Variants in TMEM176B observed in about 807,000 individuals in gnomAD.
TMEM176B encodes transmembrane protein 176B.
In TMEM176B, 28 loss-of-function variants were observed where a neutral mutation model predicts 30.3. That is an observed-to-expected ratio of 0.92 (90% CI 0.68 to 1.27). TMEM176B has a LOEUF of 1.27. Ranked by LOEUF, TMEM176B falls within the 50% of genes most tolerant of loss-of-function variation. The pLI, the probability that TMEM176B is intolerant of heterozygous loss-of-function variation, is 0.00. For synonymous variants in TMEM176B, 123 were observed against 130.3 expected (o/e 0.94, Z 0.38); for missense variants, 349 against 327.4 (o/e 1.07, Z -0.51).
At chr7:150,796,883 G>A (rs1217660700) in intron 1 of TMEM176B, among the ~76,000 whole-genome samples, 1 of 152,140 alleles carries the variant, frequency 6.6e-6, no homozygotes, top group African/African-American at 2.4e-5. Flanking sequence ...CAACCTGGGA[G>A]GCTGAGGTTG....
At chr7:150,798,531 T>G (rs1197165359) in intron 1 of TMEM176B, among the ~76,000 whole-genome samples, 3 of 152,176 alleles carry the variant, frequency 2.0e-5, no homozygotes, top group Admixed American at 1.3e-4. Flanking sequence ...CGCCTCGGCC[T>G]CCCAAAGTGC....
At chr7:150,794,769 G>A (rs1186282591) in intron 2 of TMEM176B, among the ~76,000 whole-genome samples, 2 of 151,826 alleles carry the variant, frequency 1.3e-5, no homozygotes, top group Admixed American at 6.6e-5. Flanking sequence ...TCATTTCATA[G>A]GTGTCATACC....
At chr7:150,793,897 A>G (rs1798415983) in intron 3 of TMEM176B, 64 bp downstream of exon 3, 9 of 1,394,952 alleles carry the variant, frequency 6.5e-6, no homozygotes, top group African/African-American at 2.9e-5. Flanking sequence ...ACCAAGATCC[A>G]TAAGCGCCTT....
chr7:150,797,598 A>C (rs1480938490), intron 1 of TMEM176B, among the ~76,000 whole-genome samples: 2 of 152,216 alleles, frequency 1.3e-5, no homozygotes, highest in African/African-American at 4.8e-5. Context: ...ATGTCCTCAC[A>C]GAAGTATTTT....
At chr7:150,796,223 C>G in intron 2 of TMEM176B, 143 bp downstream of exon 2, 1 of 694,590 alleles carries the variant, frequency 1.4e-6, no homozygotes, top group South Asian at 1.9e-5. Flanking sequence ...ATACTGGAGA[C>G]CACCTGGTCT....
intron 4 of TMEM176B, 34 bp from the exon 5 acceptor site, chr7:150,793,349 T>C (rs564131566): frequency 4.4e-6 from 7 of 1,591,568 alleles, no homozygotes; most frequent in East Asian, 4.5e-5. Context: ...CACACGCTCC[T>C]TCAATCGGTG....
intron 1 of TMEM176B, among the ~76,000 whole-genome samples, chr7:150,799,802 C>A (rs1411215696): frequency 1.3e-5 from 2 of 152,218 alleles, no homozygotes; most frequent in Non-Finnish European, 2.9e-5. Flanking sequence ...CCGCCCCACG[C>A]CAACCCCTAG....
At position 150,793,144 on chromosome 7, in the gene TMEM176B, T is replaced by C. The variant is rs772041977; in HGVS notation, c.544A>G (p.Ser182Gly). The C allele has an allele frequency of 6.2e-7, 1 of 1,614,214 alleles. No individual in the cohort carries two copies. The highest frequency in any genetic ancestry group is 2.2e-5 in the East Asian group (1 of 44,878). Reference protein sequence around the residue: ...PTTGYRWMRRSQENQWQKEEC... With the variant: ...PTTGYRWMRRGQENQWQKEEC... ...TCCTTCTGCCATTGGTTCTCTTGAC[T>C]TCGCCGCATCCATCTGTACCCAGTG... Residue 182 changes from serine to glycine, a missense_variant, in exon 5 of 7, where the codon AGT becomes GGT. Ser to Gly is a moderately conservative substitution (Grantham distance 56). Coordinates refer to ENST00000326442, the MANE Select transcript of TMEM176B (RefSeq NM_001101312.2).
Position 150,792,125 on chromosome 7 carries a change from C to T in TMEM176B, c.651G>A (p.Lys217=). 1.9e-6 allele frequency: 3 copies of T among 1,614,058 alleles called. No homozygotes were observed. Among genetic ancestry groups the T allele is most frequent in the Non-Finnish European group, 2.5e-6 (3 of 1,179,980 alleles). The change falls in exon 6 of 7, where the codon AAG becomes AAA. Residue 217 remains lysine, a synonymous_variant. Transcript: ENST00000326442. ...RALFLAVCVL[K]VIVSLVSLGV... ...CCAAGGAAACCAAGGACACAATGAC[C>T]TTCAAGACACAGACAGCCAGGAACA... is the stretch of plus-strand genomic sequence containing the variant.
Position 150,792,084 on chromosome 7 carries a change from T to G in TMEM176B, c.692A>C (p.Asn231Thr), listed in dbSNP as rs756282550. The G allele has an allele frequency of 6.2e-7, 1 of 1,613,696 alleles. No homozygotes were observed. Among genetic ancestry groups the G allele is most frequent in the Non-Finnish European group, 8.5e-7 (1 of 1,179,870 alleles). Reference sequence around the variant, plus strand: ...GGGCTGGGAGCTCTGGCCACACAAGTTTCGAAGACCTACTCCCAAGGAAAC... The same window carrying G: ...GGGCTGGGAGCTCTGGCCACACAAGGTTCGAAGACCTACTCCCAAGGAAAC... Reference protein sequence around the residue: ...SLVSLGVGLRNLCGQSSQPLN... With the variant: ...SLVSLGVGLRTLCGQSSQPLN... The change falls in exon 6 of 7, where the codon AAC becomes ACC. Residue 231 changes from asparagine to threonine, a missense_variant. Asn to Thr is a moderately conservative substitution (Grantham distance 65). Coordinates refer to ENST00000326442, the MANE Select transcript of TMEM176B (RefSeq NM_001101312.2).
Position 150,793,140 on chromosome 7 carries a change from T to C in TMEM176B, c.548A>G (p.Gln183Arg), listed in dbSNP as rs1798380270. The C allele has an allele frequency of 1.2e-6, 2 of 1,614,070 alleles. No individual in the cohort carries two copies. The highest frequency in any genetic ancestry group is 2.7e-5 in the African/African-American group (2 of 74,928). The stretch of plus-strand genomic sequence containing the variant: ...CTCCTCCTTCTGCCATTGGTTCTCT[T>C]GACTTCGCCGCATCCATCTGTACCC... ...TTGYRWMRRSQENQWQKEECR... is the reference protein window; with the variant it reads ...TTGYRWMRRSRENQWQKEECR... The change falls in exon 5 of 7, where the codon CAA (glutamine) becomes CGA (arginine). Residue 183 changes from glutamine (Q) to arginine (R), a missense_variant. Gln to Arg is a conservative substitution (Grantham distance 43). Coordinates refer to ENST00000326442, the MANE Select transcript of TMEM176B (RefSeq NM_001101312.2).
rs73480478 is a variant in TMEM176B, at chr7:150,793,594, C to A, written c.322G>T (p.Ala108Ser). ...TGGACAATGGCCCCAGCTCCTGCTG[C>A]GATCACCTGAAAAGAGACACCAGAA... Reference protein sequence around the residue: ...CAFWAGSVVIAAGAGAIVHEK... With the variant: ...CAFWAGSVVISAGAGAIVHEK... The change falls in exon 4 of 7, where the codon GCA becomes TCA. Residue 108 changes from alanine to serine, a missense_variant. By Grantham distance (99) the Ala-to-Ser change is moderately conservative. Coordinates refer to ENST00000326442, the MANE Select transcript of TMEM176B (RefSeq NM_001101312.2). The A allele has an allele frequency of 6.2e-7, 1 of 1,613,274 alleles. No homozygotes were observed. Among genetic ancestry groups the A allele is most frequent in the African/African-American group, 1.3e-5 (1 of 74,916 alleles).
chr7:150,794,352 T>C (rs1041248434), intron 2 of TMEM176B, among the ~76,000 whole-genome samples: 52 of 149,448 alleles, frequency 3.5e-4, no homozygotes, highest in Admixed American at 1.2e-3. Context: ...TTCCCACTTT[T>C]CCCCCCCCAT....
upstream of TMEM176B, chr7:150,800,893 C>T: frequency 1.0e-6 from 1 of 985,432 alleles, no homozygotes; most frequent in African/African-American, 1.7e-5. Context: ...GAGCTGCCTC[C>T]GCACAGTTGG....
At chr7:150,796,659 T>C in intron 1 of TMEM176B, 85 bp from the exon 2 acceptor site, 1 of 1,373,046 alleles carries the variant, frequency 7.3e-7, no homozygotes, top group South Asian at 1.3e-5. Context: ...AGAGAAATAG[T>C]GTCTTTGTCA....
rs113055394 is a variant in TMEM176B at position 150,794,985 on chromosome 7, C to T, written c.205-914G>A. Reference sequence around the variant, plus strand: ...CTGCTCCTCCTGACTTTCAGGGCTCCGATCTCCTGGTCACCCACACTTCAA... The same window carrying T: ...CTGCTCCTCCTGACTTTCAGGGCTCTGATCTCCTGGTCACCCACACTTCAA... On this transcript the variant is annotated intron_variant, in intron 2 of 6. Coordinates refer to ENST00000326442, the MANE Select transcript of TMEM176B (RefSeq NM_001101312.2). 7.9e-3 allele frequency among the ~76,000 whole-genome samples: 1,201 copies of T among 151,746 alleles called. 24 individuals carry two copies. Among genetic ancestry groups the T allele is most frequent in the African/African-American group, 0.027 (1,120 of 41,326 alleles).
chr7:150,792,380 T>A (rs970778995), intron 5 of TMEM176B, among the ~76,000 whole-genome samples: 2 of 152,156 alleles, frequency 1.3e-5, no homozygotes, highest in Non-Finnish European at 2.9e-5. Context: ...TGGAGACTAT[T>A]CCTTCAACCC....
At chr7:150,791,928 A>T in intron 6 of TMEM176B, 128 bp downstream of exon 6, 3 of 1,368,648 alleles carry the variant, frequency 2.2e-6, no homozygotes, top group Non-Finnish European at 3.0e-6. Context: ...AGAGCTGCAT[A>T]TGGAAAGAAG....
intron 5 of TMEM176B, 37 bp from the exon 6 acceptor site, chr7:150,792,212 A>G (rs757686629): frequency 4.4e-6 from 7 of 1,608,414 alleles, no homozygotes; most frequent in Non-Finnish European, 5.1e-6. Context: ...GTCAGGTGTC[A>G]GCTACTCCAA....
Sources: allele counts gnomAD v4.1 joint callset (sites outside exome capture counted in the v4.1 genomes callset), GRCh38; gene constraint gnomAD v4.1.1; transcripts MANE v1.5; gene names NCBI Gene and HGNC (gene_info 2026-07-23, HGNC 2026-07-21).